Variants in KNDC1 observed in about 807,000 individuals in gnomAD.
The protein encoded by KNDC1 is kinase non-catalytic C-lobe domain-containing protein 1.
Under a neutral mutation model 172.8 loss-of-function variants are expected in KNDC1, and 106 were observed. The ratio of observed to expected loss-of-function variants is 0.61; its 90% confidence interval spans 0.52 to 0.72. KNDC1 has a LOEUF of 0.72. Ranked by LOEUF, KNDC1 falls within the 30% of genes least tolerant of loss-of-function variation. The pLI is 0.00. For missense variants in KNDC1, 2,325 were observed against 2,394.5 expected, an observed-to-expected ratio of 0.97 and a Z score of 0.61; for synonymous variants, 1,083 against 1,062.2, an observed-to-expected ratio of 1.02 and a Z score of -0.38.
At chr10:133,212,663 G>A in intron 23 of KNDC1, 53 bp from the exon 24 acceptor site, 1 of 1,534,098 alleles carries the variant, frequency 6.5e-7, no homozygotes, top group Non-Finnish European at 8.9e-7. Context: ...CTGGACCCCT[G>A]ACCCAGAGGG....
chr10:133,209,526 T>C lies in KNDC1; in HGVS notation c.3795-1085T>C, dbSNP rs531694652. ...GTGGAGTTCTGTGTGGCTTTGTGCA[T>C]GTGTGTGGTGTGCGCGTCTGGTTGT... On this transcript the variant is annotated intron_variant, in intron 20 of 29. Coordinates refer to ENST00000304613, the MANE Select transcript of KNDC1 (RefSeq NM_152643.8). The surrounding 1 kb of genome is among the most constrained non-coding windows in gnomAD (Gnocchi z 4.9). 1.4e-5 allele frequency among the ~76,000 whole-genome samples: 2 copies of C among 144,620 alleles called. No individual in the cohort carries two copies. Among genetic ancestry groups the C allele is most frequent in the Non-Finnish European group, 3.1e-5 (2 of 63,552 alleles). The allele number at this position is 144,620 out of a possible 152,430, so 94.9% of individuals were successfully genotyped here.
In KNDC1 at chr10:133,168,695, C is replaced by T. The variant is rs1292060694; in HGVS notation, c.360+383C>T. 5.9e-5 allele frequency among the ~76,000 whole-genome samples: 9 copies of T among 152,352 alleles called. No individual in the cohort carries two copies. The South Asian group carries it at 1.2e-3, about 21-fold the overall frequency. On this transcript the variant is annotated intron_variant, in intron 3 of 29. Coordinates refer to ENST00000304613, the MANE Select transcript of KNDC1 (RefSeq NM_152643.8). ...AGTGACCAAAATGACCAGTGATGAT[C>T]GGCAGGGAATCACAGCTCCTCTGAG...
intron 3 of KNDC1, among the ~76,000 whole-genome samples, chr10:133,176,005 G>A (rs1853526795): frequency 6.6e-6 from 1 of 150,428 alleles, no homozygotes; most frequent in Non-Finnish European, 1.5e-5. Context: ...TGGATGGGTG[G>A]GTGAATGGAT....
At chr10:133,176,483 C>G (rs758744819) in intron 3 of KNDC1, among the ~76,000 whole-genome samples, 3 of 152,158 alleles carry the variant, frequency 2.0e-5, no homozygotes, top group Admixed American at 6.5e-5. Flanking sequence ...CTCCTGCCCT[C>G]TGTGTGTGCA....
At chr10:133,218,360 G>A (rs1845510558) in intron 26 of KNDC1, among the ~76,000 whole-genome samples, 1 of 152,222 alleles carries the variant, frequency 6.6e-6, no homozygotes, top group Non-Finnish European at 1.5e-5. Flanking sequence ...GGAGGAGGGG[G>A]CGGCACTCAG....
chr10:133,194,474 G>A (rs772837952), intron 9 of KNDC1, among the ~76,000 whole-genome samples: 11 of 151,962 alleles, frequency 7.2e-5, no homozygotes, highest in Non-Finnish European at 1.2e-4. Context: ...GTGGAAACTG[G>A]GTACAAAGTA....
chr10:133,173,674 G>A (rs1331330381), intron 3 of KNDC1, among the ~76,000 whole-genome samples: 3 of 152,214 alleles, frequency 2.0e-5, no homozygotes, highest in African/African-American at 7.2e-5. Context: ...CAGATGGATG[G>A]CAGCAGCTCC....
rs555610550 is a variant in KNDC1, at chr10:133,206,246, C to T, written c.3388-439C>T. Among the ~76,000 whole-genome samples the T allele has an allele frequency of 4.6e-5, 7 of 152,346 alleles. No individual in the cohort carries two copies. The South Asian group carries it at 1.0e-3, about 23-fold the overall frequency. On this transcript the variant is annotated intron_variant, in intron 17 of 29. Transcript: ENST00000304613. ...AAAATAAAAAATAAAAAGGCAGACA[C>T]CTGAAGACACACGGGATGCACGTTG...
rs927103152 is a variant in KNDC1, at chr10:133,163,693, C to T, written c.102+3124C>T. 2.6e-5 allele frequency among the ~76,000 whole-genome samples: 4 copies of T among 152,136 alleles called. No individual in the cohort carries two copies. Among genetic ancestry groups the T allele is most frequent in the African/African-American group, 9.7e-5 (4 of 41,410 alleles). On this transcript the variant is annotated intron_variant, in intron 1 of 29. Transcript: ENST00000304613. The surrounding 1 kb of genome is among the most constrained non-coding windows in gnomAD (Gnocchi z 4.4). ...TAGGCGTCCCTGTGTAACCCTGGCT[C>T]GAAGTCTGCCTGGCAGTGTGGCGGG... is the stretch of plus-strand genomic sequence containing the variant.
intron 26 of KNDC1, among the ~76,000 whole-genome samples, chr10:133,216,399 C>T (rs946886831): frequency 3.3e-5 from 5 of 152,020 alleles, no homozygotes; most frequent in Admixed American, 6.6e-5. Flanking sequence ...AAACGCAGGC[C>T]GGTCGCAGTG....
chr10:133,186,686 G>T lies in KNDC1; in HGVS notation c.1326+12G>T. The T allele has an allele frequency of 1.3e-6, 2 of 1,556,118 alleles. No individual in the cohort carries two copies. The highest frequency in any genetic ancestry group is 1.7e-6 in the Non-Finnish European group (2 of 1,159,684). On this transcript the variant is annotated intron_variant, in intron 6 of 29. Coordinates refer to ENST00000304613, the MANE Select transcript of KNDC1 (RefSeq NM_152643.8). ...CAGCCGCGGAGCAGGTGGGTGCCTG[G>T]GTCTTGTGTGTGGGTGGAGGGGTCG...
Position 133,201,629 on chromosome 10 carries a change from GT to G in KNDC1, c.3119del (p.Val1040GlufsTer27). 1 of 1,613,082 alleles carries G rather than the reference GT, an allele frequency of 6.2e-7. No individual in the cohort carries two copies. The highest frequency in any genetic ancestry group is 8.5e-7 in the Non-Finnish European group (1 of 1,179,964). On this transcript the variant is annotated frameshift_variant, in exon 17 of 30. Transcript: ENST00000304613. LOFTEE classifies it high-confidence loss of function. ...GGTGGGGTTTCGGCCTCAGAGGTCC[GT>G]AAAAGCCGAGAGAGCGCAGCAGCCT... ...FEVGFRPQRS[V>X]KAERAQQPEA... is the part of the protein sequence containing the mutation.
rs772125236 is a variant in KNDC1 at position 133,211,422 on chromosome 10, G to A, written c.3909G>A (p.Arg1303=). 1.7e-5 allele frequency: 28 copies of A among 1,607,550 alleles called. No individual in the cohort carries two copies. In the African/African-American group the frequency reaches 3.3e-4, roughly 19 times the overall value. The change falls in exon 22 of 30, where the codon AGG becomes AGA. Residue 1303 remains arginine, a splice_region_variant and synonymous_variant. Coordinates refer to ENST00000304613, the MANE Select transcript of KNDC1 (RefSeq NM_152643.8). ...CTCAGCAGCTCCCCTGCGTCTCCAGGGCCCACCAGGACCCCACCTCGACCT... is the reference window on the plus strand; with the variant it reads ...CTCAGCAGCTCCCCTGCGTCTCCAGAGCCCACCAGGACCCCACCTCGACCT... ...LLDRINSTLT[R]AHQDPTSTFT... is the part of the protein sequence containing the mutation.
rs766144770 is a variant in KNDC1, at chr10:133,224,677, G to A, written c.5037G>A (p.Val1679=). The change falls in exon 30 of 30, where the codon GTG becomes GTA. Residue 1679 remains valine, a synonymous_variant. Transcript: ENST00000304613. This position sits in a 1 kb window ranked among gnomAD's most constrained non-coding sequence, Gnocchi z 5.4. ...ACGGAAGGAACATCGCAAAGGTGGT[G>A]AGCCAGGTGCACGCGTTCCAGGAGA... ...WSKLRNIAKV[V]SQVHAFQENP... The A allele has an allele frequency of 6.2e-7, 1 of 1,614,034 alleles. No individual in the cohort carries two copies. The highest frequency in any genetic ancestry group is 8.5e-7 in the Non-Finnish European group (1 of 1,179,980).
In KNDC1 at chr10:133,224,875, G is replaced by T. The variant is rs1262951311; in HGVS notation, c.5235G>T (p.Lys1745Asn). 6.2e-7 allele frequency: 1 copy of T among 1,613,362 alleles called. No individual in the cohort carries two copies. ...TTCAGGACAAGCTACGGAGGATGAA[G>T]GCTACATTCCAGTAGCCGAGCTCGG... ...RKIQDKLRRMKATFQ is the reference protein window; with the variant it reads ...RKIQDKLRRMNATFQ Residue 1745 changes from lysine to asparagine, a missense_variant, in exon 30 of 30, where the codon AAG (lysine) becomes AAT (asparagine). Lys to Asn is a moderately conservative substitution (Grantham distance 94, BLOSUM62 0). Transcript: ENST00000304613. This position sits in a 1 kb window ranked among gnomAD's most constrained non-coding sequence, Gnocchi z 5.4.
intron 1 of KNDC1, among the ~76,000 whole-genome samples, chr10:133,165,769 G>A (rs1439277074): frequency 9.2e-5 from 14 of 152,262 alleles, no homozygotes; most frequent in East Asian, 3.9e-4. Context: ...TGGGAGCTTC[G>A]GGCTCTCTGG....
chr10:133,167,179 C>T (rs1853191161), intron 1 of KNDC1: 2 of 606,190 alleles, frequency 3.3e-6, no homozygotes, highest in African/African-American at 3.7e-5. Flanking sequence ...ACGGTGCCAC[C>T]AAATGTTCCG....
At chr10:133,166,925 G>A (rs1190658649) in intron 1 of KNDC1, among the ~76,000 whole-genome samples, 4 of 152,218 alleles carry the variant, frequency 2.6e-5, no homozygotes, top group Non-Finnish European at 5.9e-5. Flanking sequence ...GGCAGCGCGT[G>A]TGGTTGTAAG....
chr10:133,189,826 T>G lies in KNDC1; in HGVS notation c.1575+13T>G. 28 of 1,594,888 alleles carry G rather than the reference T, an allele frequency of 1.8e-5. No individual in the cohort carries two copies. Among genetic ancestry groups the G allele is most frequent in the Non-Finnish European group, 2.3e-5 (27 of 1,164,926 alleles). On this transcript the variant is annotated intron_variant, in intron 9 of 29. Transcript: ENST00000304613. Reference sequence around the variant, plus strand: ...GGTAACTGAAAAGGTACCCGGGCCCTCCCCACCCTGCCCCAGCCCTGCCCC... The same window carrying G: ...GGTAACTGAAAAGGTACCCGGGCCCGCCCCACCCTGCCCCAGCCCTGCCCC...
Sources: allele counts gnomAD v4.1 joint callset (sites outside exome capture counted in the v4.1 genomes callset), GRCh38; gene constraint gnomAD v4.1.1; non-coding constraint Gnocchi (gnomAD v3.1); transcripts MANE v1.5; gene names NCBI Gene and HGNC (gene_info 2026-07-23, HGNC 2026-07-21).